The following POM121C variants were observed in gnomAD, a reference collection of about 807,000 sequenced individuals.
POM121C encodes POM121 transmembrane nucleoporin C, also known as nuclear envelope pore membrane protein POM 121C.
A neutral mutation model predicts 66.4 loss-of-function variants in POM121C; 20 were observed. That is an observed-to-expected ratio of 0.30 (90% CI 0.21 to 0.44). The LOEUF (loss-of-function observed/expected upper bound fraction) is 0.44, where lower values mean the gene tolerates loss of function less well. POM121C is among the 20% of genes least tolerant of loss of function. POM121C has a pLI of 1.00. For synonymous variants in POM121C, 286 were observed against 528.0 expected, an observed-to-expected ratio of 0.54 and a Z score of 6.28; for missense variants, 580 against 1,225.7, an observed-to-expected ratio of 0.47 and a Z score of 7.87.
intron 1 of POM121C, among the ~76,000 whole-genome samples, chr7:75,479,540 C>A (rs3100007): frequency 0.029 from 3,901 of 135,246 alleles, 167 homozygotes; most frequent in African/African-American, 0.075. Flanking sequence ...CACTTGAACC[C>A]AGGAGGCAGA....
chr7:75,473,445 G>A (rs1292181918), intron 3 of POM121C, among the ~76,000 whole-genome samples: 1 of 151,928 alleles, frequency 6.6e-6, no homozygotes, highest in Admixed American at 6.6e-5. Flanking sequence ...CAGTTATGGG[G>A]AAGGGGAAAT....
In POM121C at chr7:75,417,247, T is replaced by C; in HGVS notation, c.*1549A>G. 3.2e-6 allele frequency: 3 copies of C among 926,368 alleles called. No individual in the cohort carries two copies. Among genetic ancestry groups the C allele is most frequent in the Non-Finnish European group, 3.9e-6 (3 of 775,440 alleles). The allele number at this position is 926,368 out of a possible 1,614,324, so 57.4% of individuals were successfully genotyped here. On this transcript the variant is annotated 3_prime_UTR_variant, in exon 15 of 15. Transcript: ENST00000615331. The stretch of plus-strand genomic sequence containing the variant: ...AATAAGAATTACATTTCATATAACA[T>C]GGCCAGAAGGAGCTCTAGTCCCCCA...
chr7:75,485,009 G>A (rs1398463354), intron 1 of POM121C, among the ~76,000 whole-genome samples: 2 of 151,688 alleles, frequency 1.3e-5, no homozygotes, highest in East Asian at 3.9e-4. Context: ...CAGCATGCCT[G>A]GCGACTTTTG....
At chr7:75,423,935 G>A (rs1335680317) in intron 12 of POM121C, 114 bp downstream of exon 12, 3 of 1,509,416 alleles carry the variant, frequency 2.0e-6, no homozygotes, top group African/African-American at 2.8e-5. Flanking sequence ...CTGAGCCAGG[G>A]TGCGTTCGGC....
chr7:75,485,561 T>C (rs1313455619), intron 1 of POM121C, among the ~76,000 whole-genome samples: 3 of 152,028 alleles, frequency 2.0e-5, no homozygotes, highest in Admixed American at 6.6e-5. Flanking sequence ...CTGACGGACG[T>C]TTAGAGGCGG....
rs190901224 is a variant in POM121C, at chr7:75,424,090, A to G, written c.1007T>C (p.Leu336Ser). The G allele has an allele frequency of 1.8e-5, 29 of 1,611,748 alleles. No homozygotes were observed. The African/African-American group carries it at 3.2e-4, about 18-fold the overall frequency. Residue 336 changes from leucine to serine, a missense_variant, in exon 12 of 15, where the codon TTG (leucine) becomes TCG (serine). Leu to Ser is a moderately radical substitution (Grantham distance 145). Coordinates refer to ENST00000615331, the MANE Select transcript of POM121C (RefSeq NM_001099415.3). ...GCTCGGGGGAGTCTGCATCTTCTTC[A>G]AGCTCTCTAACAGTGGGTTGGTGCT... ...APSTNPLLESLKKMQTPPSLP... is the reference protein window; with the variant it reads ...APSTNPLLESSKKMQTPPSLP...
chr7:75,481,441 C>A (rs1439489012), intron 1 of POM121C, among the ~76,000 whole-genome samples: 1 of 152,100 alleles, frequency 6.6e-6, no homozygotes. Flanking sequence ...GGTAACAAAA[C>A]AAAATACCCT....
chr7:75,429,795 T>C (rs1554472133), intron 7 of POM121C, among the ~76,000 whole-genome samples: 1 of 152,182 alleles, frequency 6.6e-6, no homozygotes, highest in Non-Finnish European at 1.5e-5. Flanking sequence ...GGAAGACTGC[T>C]TGAGCTCAAA....
At chr7:75,480,838 A>G (rs1792279685) in intron 1 of POM121C, among the ~76,000 whole-genome samples, 2 of 152,064 alleles carry the variant, frequency 1.3e-5, no homozygotes, top group Non-Finnish European at 2.9e-5. Flanking sequence ...AAAGGAAATT[A>G]TTGGGAAATT....
At chr7:75,432,798 T>A (rs587769170) in intron 7 of POM121C, among the ~76,000 whole-genome samples, 1 of 152,330 alleles carries the variant, frequency 6.6e-6, no homozygotes, top group East Asian at 1.9e-4. Context: ...GTATTATCTG[T>A]GTTTGCACAC....
Position 75,441,627 on chromosome 7 carries a change from T to C in POM121C, c.-131A>G. ...TCTTCGAGGTGTTATTACAAACCGATCTGGTAAAGTCCCACGATCCCTGCA... is the reference window on the plus strand; with the variant it reads ...TCTTCGAGGTGTTATTACAAACCGACCTGGTAAAGTCCCACGATCCCTGCA... On this transcript the variant is annotated 5_prime_UTR_variant, in exon 4 of 15. Transcript: ENST00000615331. 1 of 1,561,242 alleles carries C rather than the reference T, an allele frequency of 6.4e-7. No homozygotes were observed.
chr7:75,431,997 T>C (rs1790202069), intron 7 of POM121C, among the ~76,000 whole-genome samples: 1 of 151,914 alleles, frequency 6.6e-6, no homozygotes, highest in Non-Finnish European at 1.5e-5. Flanking sequence ...CTGACCAATA[T>C]AGTGAAACCT....
chr7:75,472,188 G>C (rs1791907859), intron 3 of POM121C, among the ~76,000 whole-genome samples: 1 of 151,584 alleles, frequency 6.6e-6, no homozygotes, highest in African/African-American at 2.4e-5. Flanking sequence ...GCCTGGCCAT[G>C]TTACGTGTTT....
At position 75,437,508 on chromosome 7, in the gene POM121C, C is replaced by T. The variant is rs368082782; in HGVS notation, c.480+7G>A. On this transcript the variant is annotated splice_region_variant and intron_variant, in intron 7 of 14. Transcript: ENST00000615331. ...TGCCCCCCACATTACAAGAGCTGTA[C>T]TTGTACCTGTGAGATGCCTCGAGTG... 4.3e-6 allele frequency: 7 copies of T among 1,610,774 alleles called. No individual in the cohort carries two copies. In the African/African-American group the frequency reaches 5.3e-5, roughly 12 times the overall value.
Position 75,417,502 on chromosome 7 carries a change from T to G in POM121C, c.*1294A>C, listed in dbSNP as rs8726. ...CGCATTCATACTTCTCCCAAAGAGG[T>G]TGGGCGTGACAGCAAGGCGCTTGGG... On this transcript the variant is annotated 3_prime_UTR_variant, in exon 15 of 15. Transcript: ENST00000615331. 3 of 984,090 alleles carry G rather than the reference T, an allele frequency of 3.0e-6. No individual in the cohort carries two copies. Among genetic ancestry groups the G allele is most frequent in the African/African-American group, 3.5e-5 (2 of 57,182 alleles). 61.0% of individuals were successfully genotyped at this position (984,090 alleles called of 1,614,324 possible). A position where few individuals can be genotyped will look rare whatever the true frequency, so the allele number is the denominator to read the frequency against.
At chr7:75,432,890 A>C (rs1554472537) in intron 7 of POM121C, among the ~76,000 whole-genome samples, 3 of 152,184 alleles carry the variant, frequency 2.0e-5, no homozygotes, top group Admixed American at 1.3e-4. Flanking sequence ...TTACTTAAAA[A>C]AGCCAAAACC....
intron 7 of POM121C, among the ~76,000 whole-genome samples, chr7:75,437,133 C>T (rs1412575028): frequency 1.3e-5 from 2 of 152,218 alleles, no homozygotes; most frequent in Non-Finnish European, 2.9e-5. Flanking sequence ...TACATCACAG[C>T]TCTGTCTCGA....
At position 75,419,400 on chromosome 7, in the gene POM121C, C is replaced by T. The variant is rs1554470288; in HGVS notation, c.2786G>A (p.Gly929Glu). The T allele has an allele frequency of 1.2e-6, 2 of 1,613,710 alleles. No homozygotes were observed. The highest frequency in any genetic ancestry group is 2.7e-5 in the African/African-American group (2 of 74,920). ...PTFGQNTPAP[G>E]VGTSGSSLSF... is the part of the protein sequence containing the mutation. ...GAGGCTGCTGCCCGATGTGCCCACTCCAGGCGCAGGGGTGTTCTGACCAAA... is the reference window on the plus strand; with the variant it reads ...GAGGCTGCTGCCCGATGTGCCCACTTCAGGCGCAGGGGTGTTCTGACCAAA... Residue 929 changes from glycine to glutamate, a missense_variant, in exon 14 of 15, where the codon GGA becomes GAA. Coordinates refer to ENST00000615331, the MANE Select transcript of POM121C (RefSeq NM_001099415.3).
At chr7:75,445,337 CAG>C (rs1230122296) in intron 3 of POM121C, among the ~76,000 whole-genome samples, 2 of 70,772 alleles carry the variant, frequency 2.8e-5, no homozygotes, top group Admixed American at 1.6e-4. Context: ...GTGAAACAAA[CAG>C]AACTCATGCC....
Sources: allele counts gnomAD v4.1 joint callset (sites outside exome capture counted in the v4.1 genomes callset), GRCh38; gene constraint gnomAD v4.1.1; transcripts MANE v1.5; gene names NCBI Gene and HGNC (gene_info 2026-07-23, HGNC 2026-07-21).